Variants in NRXN3 observed in about 807,000 individuals in gnomAD.
NRXN3 encodes the protein neurexin 3.
NRXN3 carries 32 observed loss-of-function variants against 137.6 expected under a neutral mutation model. The observed-to-expected ratio is 0.23, with a 90% confidence interval of 0.18 to 0.31. NRXN3 has a LOEUF of 0.31. NRXN3 is among the 10% of genes least tolerant of loss of function. NRXN3 has a pLI of 1.00. For missense variants in NRXN3, 1,574 were observed against 2,062.5 expected (o/e 0.76, Z 4.59); for synonymous variants, 798 against 784.5 (o/e 1.02, Z -0.29).
At chr14:78,464,569 A>T (rs2095040643) in intron 4 of NRXN3, among the ~76,000 whole-genome samples, 1 of 152,226 alleles carries the variant, frequency 6.6e-6, no homozygotes, top group African/African-American at 2.4e-5. Flanking sequence ...AAAGAGTTGT[A>T]TTTTTGTTCT....
intron 17 of NRXN3, among the ~76,000 whole-genome samples, chr14:79,664,529 T>C (rs1461542405): frequency 6.6e-6 from 1 of 152,136 alleles, no homozygotes; most frequent in Non-Finnish European, 1.5e-5. Flanking sequence ...TTGGTCCTAG[T>C]AGTCATTTTA....
chr14:78,210,107 G>A (rs72683784), intron 1 of NRXN3, among the ~76,000 whole-genome samples: 7,908 of 152,288 alleles, frequency 0.052, 256 homozygotes, highest in Non-Finnish European at 0.055. Flanking sequence ...GTCTTAGTCC[G>A]TTCAGGCTGC....
At chr14:79,074,480 A>G (rs2045646226) in intron 15 of NRXN3, 2 of 152,188 alleles carry the variant, frequency 1.3e-5, no homozygotes, top group African/African-American at 4.8e-5. Flanking sequence ...CCTAGATACT[A>G]GGGGTCTGTG....
chr14:79,163,027 ACT>A (rs1388804084), intron 15 of NRXN3, among the ~76,000 whole-genome samples: 2 of 151,060 alleles, frequency 1.3e-5, no homozygotes, highest in African/African-American at 4.9e-5. Flanking sequence ...GTCTGAATTA[ACT>A]CTTGAGTCAG....
intron 15 of NRXN3, among the ~76,000 whole-genome samples, chr14:79,361,377 A>G (rs2093674828): frequency 6.6e-6 from 1 of 152,144 alleles, no homozygotes; most frequent in Non-Finnish European, 1.5e-5. Flanking sequence ...CTTGTTATAA[A>G]TAGAATGCTT....
intron 15 of NRXN3, among the ~76,000 whole-genome samples, chr14:79,318,160 A>G (rs148071745): frequency 8.5e-5 from 13 of 152,378 alleles, no homozygotes; most frequent in African/African-American, 2.9e-4. Flanking sequence ...TTTATGCCAC[A>G]GAGAATCAAG....
chr14:78,946,436 G>T (rs1470619898), intron 10 of NRXN3, among the ~76,000 whole-genome samples: 2 of 152,070 alleles, frequency 1.3e-5, no homozygotes, highest in East Asian at 3.9e-4. Flanking sequence ...CCACATGATT[G>T]GTGTTTATTT....
chr14:78,788,874 C>T (rs2098797152), intron 8 of NRXN3, among the ~76,000 whole-genome samples: 1 of 152,036 alleles, frequency 6.6e-6, no homozygotes, highest in Non-Finnish European at 1.5e-5. Flanking sequence ...AACTTGCAGA[C>T]CTGGAATTCC....
intron 15 of NRXN3, among the ~76,000 whole-genome samples, chr14:79,372,000 C>A (rs1453424478): frequency 1.3e-5 from 2 of 152,146 alleles, no homozygotes; most frequent in African/African-American, 4.8e-5. Context: ...TATCTTTTCT[C>A]ACTTTACTTC....
chr14:79,261,049 G>C (rs1238171882), intron 15 of NRXN3, among the ~76,000 whole-genome samples: 1 of 152,062 alleles, frequency 6.6e-6, no homozygotes, highest in Non-Finnish European at 1.5e-5. Context: ...GAGATTCAAA[G>C]GTAAGAAAGG....
chr14:78,864,576 G>T (rs1012964732), intron 10 of NRXN3, among the ~76,000 whole-genome samples: 3 of 152,052 alleles, frequency 2.0e-5, no homozygotes, highest in African/African-American at 7.2e-5. Flanking sequence ...GGAGATAAAA[G>T]ATTTATTTTC....
intron 4 of NRXN3, among the ~76,000 whole-genome samples, chr14:78,433,047 C>T (rs1348933354): frequency 6.6e-6 from 1 of 152,170 alleles, no homozygotes; most frequent in African/African-American, 2.4e-5. Context: ...GAGTCCCCCT[C>T]CTTAGGGTCT....
chr14:79,233,574 C>T (rs907719658), intron 15 of NRXN3, among the ~76,000 whole-genome samples: 1 of 152,132 alleles, frequency 6.6e-6, no homozygotes, highest in South Asian at 2.1e-4. Flanking sequence ...TTTAGAGAAA[C>T]TTGGTCATAT....
intron 10 of NRXN3, among the ~76,000 whole-genome samples, chr14:78,824,282 C>G (rs1206615885): frequency 6.6e-6 from 1 of 151,844 alleles, no homozygotes; most frequent in Non-Finnish European, 1.5e-5. Flanking sequence ...TACTCCTTGG[C>G]CAATAGGGGA....
At chr14:79,811,543 C>T (rs2099232803) in intron 20 of NRXN3, among the ~76,000 whole-genome samples, 1 of 151,340 alleles carries the variant, frequency 6.6e-6, no homozygotes, top group South Asian at 2.1e-4. Context: ...TTTGTTAACC[C>T]ACCAAGTTAT....
At chr14:79,691,650 C>T (rs942758596) in intron 17 of NRXN3, among the ~76,000 whole-genome samples, 10 of 152,032 alleles carry the variant, frequency 6.6e-5, no homozygotes, top group Admixed American at 2.0e-4. Flanking sequence ...TTAAATTGTC[C>T]TCTCCTCCTT....
intron 15 of NRXN3, among the ~76,000 whole-genome samples, chr14:79,290,163 T>C (rs2082937181): frequency 6.6e-6 from 1 of 152,238 alleles, no homozygotes; most frequent in Non-Finnish European, 1.5e-5. Flanking sequence ...TGGTTTTTGC[T>C]ACATAAAAAA....
At chr14:78,582,134 T>A (rs2097005733) in intron 4 of NRXN3, among the ~76,000 whole-genome samples, 1 of 152,244 alleles carries the variant, frequency 6.6e-6, no homozygotes, top group Non-Finnish European at 1.5e-5. Context: ...AGCTCATGGT[T>A]TCCTGCAGCT....
chr14:78,226,907 C>G (rs1458040538), intron 1 of NRXN3, among the ~76,000 whole-genome samples: 1 of 152,206 alleles, frequency 6.6e-6, no homozygotes. Flanking sequence ...TATATAATAA[C>G]TCACTGTGAC....
Sources: allele counts gnomAD v4.1 joint callset (sites outside exome capture counted in the v4.1 genomes callset), GRCh38; gene constraint gnomAD v4.1.1; transcripts MANE v1.5; gene names NCBI Gene and HGNC (gene_info 2026-07-23, HGNC 2026-07-21).